MORC1: variants seen among roughly 807,000 people sequenced by gnomAD.
MORC1 encodes MORC family CW-type zinc finger 1.
A neutral mutation model predicts 134.9 loss-of-function variants in MORC1; 59 were observed. That is an observed-to-expected ratio of 0.44 (90% CI 0.35 to 0.54). The LOEUF is 0.54. Ranked by LOEUF, MORC1 falls within the 20% of genes least tolerant of loss-of-function variation. The pLI is 0.00. For synonymous variants in MORC1, 395 were observed against 391.7 expected (o/e 1.01, Z -0.10); for missense variants, 947 against 1,134.5 (o/e 0.83, Z 2.37).
At chr3:108,970,794 GTTAC>G (rs1947356034) in intron 25 of MORC1, among the ~76,000 whole-genome samples, 1 of 152,144 alleles carries the variant, frequency 6.6e-6, no homozygotes, top group African/African-American at 2.4e-5. Context: ...ACTACTCACT[GTTAC>G]TTAAGCATAG....
intron 8 of MORC1, among the ~76,000 whole-genome samples, chr3:109,085,405 C>G (rs1001106015): frequency 6.6e-6 from 1 of 152,034 alleles, no homozygotes; most frequent in Non-Finnish European, 1.5e-5. Flanking sequence ...GCTCAAACAA[C>G]TCAATGGCAA....
intron 24 of MORC1, among the ~76,000 whole-genome samples, chr3:108,978,119 C>T (rs951504681): frequency 3.9e-5 from 6 of 152,104 alleles, no homozygotes; most frequent in African/African-American, 1.2e-4. Flanking sequence ...CCTCATGATC[C>T]GCCCACCTCG....
intron 24 of MORC1, among the ~76,000 whole-genome samples, chr3:108,978,357 C>T (rs1199102932): frequency 6.6e-6 from 1 of 152,132 alleles, no homozygotes; most frequent in Non-Finnish European, 1.5e-5. Context: ...TCTCTGGATC[C>T]CTAGTGTCAG....
chr3:109,008,296 C>A (rs1948597350), intron 17 of MORC1, among the ~76,000 whole-genome samples: 1 of 152,088 alleles, frequency 6.6e-6, no homozygotes. Flanking sequence ...TCTGGGTCAA[C>A]AGGTACATGC....
chr3:109,104,725 G>C (rs746217719), intron 3 of MORC1, among the ~76,000 whole-genome samples: 23 of 152,268 alleles, frequency 1.5e-4, no homozygotes, highest in Admixed American at 5.2e-4. Context: ...TGCCCAGTTT[G>C]TAAACTGGCC....
Position 108,958,884 on chromosome 3 carries a change from C to A in MORC1, c.*81G>T, listed in dbSNP as rs1192228436. 1 of 1,011,062 alleles carries A rather than the reference C, an allele frequency of 9.9e-7. No individual in the cohort carries two copies. Among genetic ancestry groups the A allele is most frequent in the East Asian group, 2.9e-5 (1 of 34,942 alleles). 62.6% of individuals were successfully genotyped at this position (1,011,062 alleles called of 1,614,324 possible). ...TTAAACAGAATAGACTTTACAGTAA[C>A]AACAACAAAAAAGAAAAATTTTTAA... On this transcript the variant is annotated 3_prime_UTR_variant, in exon 28 of 28. Transcript: ENST00000232603.
At chr3:109,064,397 C>G (rs193047000) in intron 9 of MORC1, among the ~76,000 whole-genome samples, 17 of 152,058 alleles carry the variant, frequency 1.1e-4, no homozygotes, top group Middle Eastern at 6.8e-3. Context: ...TGAAGAAACA[C>G]TAAGTACCTT....
chr3:108,969,818 C>T (rs1947326385), intron 25 of MORC1, 96 bp from the exon 26 acceptor site: 1 of 1,246,944 alleles, frequency 8.0e-7, no homozygotes, highest in East Asian at 2.3e-5. Flanking sequence ...GTATAAAAAG[C>T]ATCAAAGCCT....
intron 3 of MORC1, among the ~76,000 whole-genome samples, chr3:109,104,980 C>T (rs1950998924): frequency 6.6e-6 from 1 of 152,142 alleles, no homozygotes; most frequent in South Asian, 2.1e-4. Flanking sequence ...TTCCTTAGGA[C>T]CCTTCCACGT....
At position 108,966,943 on chromosome 3, in the gene MORC1, TCTACTA is replaced by T. The variant is rs1012399862; in HGVS notation, c.2604+2720_2604+2725del. On this transcript the variant is annotated intron_variant, in intron 26 of 27. Coordinates refer to ENST00000232603, the MANE Select transcript of MORC1 (RefSeq NM_014429.4). The stretch of plus-strand genomic sequence containing the variant: ...GGACCACCAATGCTATTATGAATCA[TCTACTA>T]CTACAATAGTAGTTATGAAAACCAC... Among the ~76,000 whole-genome samples, 17 of 152,320 alleles carry T rather than the reference TCTACTA, an allele frequency of 1.1e-4. 1 individual carries two copies. The highest frequency in any genetic ancestry group is 7.2e-4 in the Admixed American group (11 of 15,298).
At chr3:109,105,010 C>A (rs1951000251) in intron 3 of MORC1, among the ~76,000 whole-genome samples, 1 of 152,148 alleles carries the variant, frequency 6.6e-6, no homozygotes, top group South Asian at 2.1e-4. Context: ...CTCACCTTAC[C>A]CTCAAGCAAT....
chr3:109,107,368 T>C (rs1323884593), intron 3 of MORC1, among the ~76,000 whole-genome samples: 1 of 152,182 alleles, frequency 6.6e-6, no homozygotes, highest in Non-Finnish European at 1.5e-5. Context: ...TAAGGAAAGC[T>C]ATGGACCCTC....
At chr3:109,061,798 G>A (rs145536554) in intron 11 of MORC1, among the ~76,000 whole-genome samples, 190 bp downstream of exon 11, 1 of 152,108 alleles carries the variant, frequency 6.6e-6, no homozygotes, top group East Asian at 1.9e-4. Context: ...GCCTTGCCCC[G>A]ACTTGCTGAG....
chr3:109,103,954 G>A (rs750555283), intron 3 of MORC1, 37 bp from the exon 4 acceptor site: 1 of 1,560,242 alleles, frequency 6.4e-7, no homozygotes, highest in South Asian at 1.1e-5. Context: ...TAAATATCGG[G>A]CTTAATTTGT....
intron 1 of MORC1, 116 bp downstream of exon 1, chr3:109,117,879 T>C: frequency 1.1e-6 from 1 of 875,236 alleles, no homozygotes; most frequent in Non-Finnish European, 1.9e-6. Flanking sequence ...CTCAAATAAA[T>C]AAATAAATCC....
chr3:108,958,936 AT>A lies in MORC1; in HGVS notation c.*28del, dbSNP rs751247747. 4.3e-6 allele frequency: 6 copies of A among 1,397,070 alleles called. No homozygotes were observed. The highest frequency in any genetic ancestry group is 1.6e-5 in the South Asian group (1 of 60,976). The allele number at this position is 1,397,070 out of a possible 1,614,324, so 86.5% of individuals were successfully genotyped here. A position where few individuals can be genotyped will look rare whatever the true frequency, so the allele number is the denominator to read the frequency against. On this transcript the variant is annotated 3_prime_UTR_variant, in exon 28 of 28. Coordinates refer to ENST00000232603, the MANE Select transcript of MORC1 (RefSeq NM_014429.4). ...AGAATCTTCCAATTTTCTTATTAGC[AT>A]TTTTTAAAAGGTAATACCATCTCTG... is the stretch of plus-strand genomic sequence containing the variant.
chr3:109,068,391 T>C (rs1173400625), intron 9 of MORC1, among the ~76,000 whole-genome samples: 3 of 152,182 alleles, frequency 2.0e-5, no homozygotes, highest in African/African-American at 7.2e-5. Flanking sequence ...CCAAAGTCCA[T>C]TGTATCATTC....
chr3:108,970,502 G>C (rs994278772), intron 25 of MORC1, among the ~76,000 whole-genome samples: 2 of 152,152 alleles, frequency 1.3e-5, no homozygotes, highest in African/African-American at 4.8e-5. Context: ...TGAGGTGAGA[G>C]TAGAGGGTAA....
Position 108,984,774 on chromosome 3 carries a change from C to T in MORC1, c.2266G>A (p.Glu756Lys). The T allele has an allele frequency of 1.2e-6, 2 of 1,604,870 alleles. No homozygotes were observed. The highest frequency in any genetic ancestry group is 1.7e-6 in the Non-Finnish European group (2 of 1,177,636). The change falls in exon 23 of 28, where the codon GAG (glutamate) becomes AAG (lysine). Residue 756 changes from glutamate to lysine, a missense_variant. By Grantham distance (56) the Glu-to-Lys change is moderately conservative (BLOSUM62 1). Transcript: ENST00000232603. ...EIPLLNQEKQ[E>K]LCNDVLAMKR... is the part of the protein sequence containing the mutation. ...ATTGCTAGAACATCATTGCACAGCT[C>T]CTGTTTTTCTTCAAAAGAACATAGA...
Sources: allele counts gnomAD v4.1 joint callset (sites outside exome capture counted in the v4.1 genomes callset), GRCh38; gene constraint gnomAD v4.1.1; transcripts MANE v1.5; gene names NCBI Gene and HGNC (gene_info 2026-07-23, HGNC 2026-07-21).